DCBLD2: variants seen among roughly 807,000 people sequenced by gnomAD.
DCBLD2 encodes the protein discoidin, CUB and LCCL domain containing 2.
In DCBLD2, 54 loss-of-function variants were observed where a neutral mutation model predicts 86.8. That is an observed-to-expected ratio of 0.62 (90% CI 0.50 to 0.78). DCBLD2 has a LOEUF of 0.78. Among genes scored for constraint, DCBLD2 ranks in the 30% least tolerant of loss-of-function variants. The probability of loss-of-function intolerance (pLI) is 0.00; values close to 1 mark genes in which losing one functional copy is unlikely to be tolerated. For synonymous variants in DCBLD2, 354 were observed against 341.3 expected (o/e 1.04, Z -0.41); for missense variants, 908 against 954.2 (o/e 0.95, Z 0.64).
At chr3:98,889,658 T>G (rs1943624835) in intron 1 of DCBLD2, among the ~76,000 whole-genome samples, 1 of 152,042 alleles carries the variant, frequency 6.6e-6, no homozygotes, top group Admixed American at 6.6e-5. Flanking sequence ...TGGCCATTAA[T>G]CAGTTTTGGC....
chr3:98,890,741 T>C (rs1227602303), intron 1 of DCBLD2, among the ~76,000 whole-genome samples: 1 of 152,030 alleles, frequency 6.6e-6, no homozygotes, highest in Non-Finnish European at 1.5e-5. Flanking sequence ...ACCCTCCAAC[T>C]GCATCTCGCA....
chr3:98,901,433 A>T lies in DCBLD2; in HGVS notation c.-107T>A. 1.7e-6 allele frequency: 2 copies of T among 1,158,550 alleles called. No homozygotes were observed. The highest frequency in any genetic ancestry group is 2.2e-6 in the Non-Finnish European group (2 of 919,056). 71.8% of individuals were successfully genotyped at this position (1,158,550 alleles called of 1,614,324 possible). ...ACGGCGGCAGCGGCGGGAGAACAAGAGGCAGCCCTCGCCTCACCCCGCGCC... is the reference window on the plus strand; with the variant it reads ...ACGGCGGCAGCGGCGGGAGAACAAGTGGCAGCCCTCGCCTCACCCCGCGCC... On this transcript the variant is annotated 5_prime_UTR_variant, in exon 1 of 16. Transcript: ENST00000326840.
At chr3:98,809,226 T>C (rs913113765) in intron 12 of DCBLD2, among the ~76,000 whole-genome samples, 7 of 152,164 alleles carry the variant, frequency 4.6e-5, no homozygotes, top group African/African-American at 1.7e-4. Flanking sequence ...TATTAGTTTC[T>C]TCCTTTGTCG....
intron 3 of DCBLD2, among the ~76,000 whole-genome samples, chr3:98,839,123 CT>C (rs1298827061): frequency 2.9e-5 from 1 of 34,234 alleles, no homozygotes; most frequent in Non-Finnish European, 7.9e-5. Context: ...CTTTCTTTTT[CT>C]TTCTTTCCTT....
rs17852693 is a variant in DCBLD2, at chr3:98,901,153, G to C, written c.174C>G (p.Leu58=). Residue 58 remains leucine (L), a synonymous_variant, in exon 1 of 16, where the codon CTC becomes CTG. Transcript: ENST00000326840. ...GGGCTCCAGCGTCCTCGAGCAGCAG[G>C]AGCAGGACAAGTAAGAGCAGGAGGA... ...PLFLLLLLVL[L]LLLEDAGAQQ... is the part of the protein sequence containing the mutation. 0.16 allele frequency: 239,720 copies of C among 1,538,806 alleles called. 19,164 individuals carry two copies. The highest frequency in any genetic ancestry group is 0.22 in the African/African-American group (15,750 of 73,116).
chr3:98,870,981 T>C (rs1181245481), intron 2 of DCBLD2, among the ~76,000 whole-genome samples: 1 of 151,898 alleles, frequency 6.6e-6, no homozygotes, highest in East Asian at 1.9e-4. Context: ...TGCAGTTCTA[T>C]GTGTAGAGAT....
At chr3:98,846,193 C>T (rs1359028661) in intron 3 of DCBLD2, among the ~76,000 whole-genome samples, 1 of 152,182 alleles carries the variant, frequency 6.6e-6, no homozygotes, top group Non-Finnish European at 1.5e-5. Context: ...AATGATGACT[C>T]TATCAACAAC....
intron 1 of DCBLD2, among the ~76,000 whole-genome samples, chr3:98,891,551 T>C (rs1216768713): frequency 6.6e-6 from 1 of 152,118 alleles, no homozygotes; most frequent in Admixed American, 6.6e-5. Flanking sequence ...CTGGGTCATG[T>C]AGGTCCCTTA....
rs1488907470 is a variant in DCBLD2, at chr3:98,797,053, A to ACC, written c.*2318_*2319insGG. The ACC allele has an allele frequency of 6.9e-6, 1 of 145,570 alleles. No homozygotes were observed. Among genetic ancestry groups the ACC allele is most frequent in the East Asian group, 2.0e-4 (1 of 5,126 alleles). The allele number at this position is 145,570 out of a possible 1,614,324, so 9.0% of individuals were successfully genotyped here. ...AAATGTAGTAAAAAAAAAAAAAAAA[A>ACC]AAATAGAAAACCTCTACTATAAAAA... On this transcript the variant is annotated 3_prime_UTR_variant, in exon 16 of 16. Transcript: ENST00000326840.
At chr3:98,882,653 T>C (rs1055846017) in intron 1 of DCBLD2, among the ~76,000 whole-genome samples, 5 of 152,210 alleles carry the variant, frequency 3.3e-5, no homozygotes, top group Admixed American at 1.3e-4. Context: ...CCCCCACTTA[T>C]GAGTGAGAAC....
chr3:98,861,803 A>G (rs1943049407), intron 2 of DCBLD2, among the ~76,000 whole-genome samples: 1 of 152,210 alleles, frequency 6.6e-6, no homozygotes, highest in African/African-American at 2.4e-5. Context: ...CCCTAACATC[A>G]CAATTAAAAG....
intron 2 of DCBLD2, among the ~76,000 whole-genome samples, chr3:98,872,783 A>C (rs141347611): frequency 1.7e-3 from 258 of 152,314 alleles, no homozygotes; most frequent in Admixed American, 6.5e-3. Flanking sequence ...CTTAAAAAAA[A>C]CCAGAAGGAC....
intron 1 of DCBLD2, among the ~76,000 whole-genome samples, chr3:98,885,882 G>A (rs1346705569): frequency 2.6e-5 from 4 of 151,388 alleles, no homozygotes; most frequent in African/African-American, 9.7e-5. Context: ...AACTGGAGGG[G>A]GAGGGGTGTT....
At chr3:98,804,098 T>C (rs1231227146) in intron 13 of DCBLD2, among the ~76,000 whole-genome samples, 2 of 152,216 alleles carry the variant, frequency 1.3e-5, no homozygotes, top group South Asian at 2.1e-4. Context: ...TTTCTATTGA[T>C]TGGAATACTT....
chr3:98,814,549 T>G (rs1458132338), intron 9 of DCBLD2: 1 of 152,194 alleles, frequency 6.6e-6, no homozygotes, highest in African/African-American at 2.4e-5. Flanking sequence ...TTTTATTGAT[T>G]ACCACACATA....
chr3:98,871,537 ATTT>A (rs532454350), intron 2 of DCBLD2, among the ~76,000 whole-genome samples: 4 of 151,168 alleles, frequency 2.6e-5, no homozygotes, highest in Non-Finnish European at 5.9e-5. Context: ...TACTGAAATG[ATTT>A]TTTTTTGTTT....
intron 3 of DCBLD2, among the ~76,000 whole-genome samples, chr3:98,835,988 A>T (rs1318548504): frequency 8.2e-6 from 1 of 121,848 alleles, no homozygotes; most frequent in Non-Finnish European, 1.7e-5. Flanking sequence ...CACATTGAGG[A>T]GAATCTAAAT....
At chr3:98,867,869 C>T (rs1210307374) in intron 2 of DCBLD2, among the ~76,000 whole-genome samples, 1 of 151,204 alleles carries the variant, frequency 6.6e-6, no homozygotes, top group African/African-American at 2.4e-5. Flanking sequence ...GTGGCACAAT[C>T]TTGGTTCACT....
chr3:98,822,162 A>G, intron 6 of DCBLD2, 66 bp downstream of exon 6: 3 of 1,579,156 alleles, frequency 1.9e-6, no homozygotes, highest in Non-Finnish European at 2.6e-6. Context: ...GCTAGTTCTT[A>G]GCCCAGTGCT....
Sources: allele counts gnomAD v4.1 joint callset (sites outside exome capture counted in the v4.1 genomes callset), GRCh38; gene constraint gnomAD v4.1.1; transcripts MANE v1.5; gene names NCBI Gene and HGNC (gene_info 2026-07-23, HGNC 2026-07-21).